The following ACER1 variants were observed in gnomAD, a reference collection of about 807,000 sequenced individuals.
ACER1 encodes the protein alkaline ceramidase 1.
In ACER1, 28 loss-of-function variants were observed where a neutral mutation model predicts 24.9. That is an observed-to-expected ratio of 1.13 (90% CI 0.83 to 1.54). The LOEUF (loss-of-function observed/expected upper bound fraction) is 1.54, where lower values mean the gene tolerates loss of function less well. ACER1 is among the 40% of genes most tolerant of loss of function. The pLI is 0.00. For missense variants in ACER1, 352 were observed against 349.3 expected (o/e 1.01, Z -0.06); for synonymous variants, 132 against 131.4 (o/e 1.00, Z -0.03).
chr19:6,326,801 A>G (rs2091663752), intron 1 of ACER1, among the ~76,000 whole-genome samples: 1 of 152,128 alleles, frequency 6.6e-6, no homozygotes, highest in South Asian at 2.1e-4. Context: ...GAATAAATGA[A>G]TGAGTCCATC....
chr19:6,359,454 G>T, the ACER1 span, among the ~76,000 whole-genome samples: 12 of 151,886 alleles, frequency 7.9e-5, no homozygotes, highest in Admixed American at 7.2e-4. Flanking sequence ...AAGTAGCTGG[G>T]ATTACAGGCA....
At chr19:6,324,652 C>T (rs1312611818) in intron 1 of ACER1, among the ~76,000 whole-genome samples, 1 of 151,436 alleles carries the variant, frequency 6.6e-6, no homozygotes, top group Non-Finnish European at 1.5e-5. Context: ...GTAATTCCAG[C>T]TACTTGGGAG....
chr19:6,323,023 A>G (rs2091638767), intron 1 of ACER1, among the ~76,000 whole-genome samples: 1 of 152,004 alleles, frequency 6.6e-6, no homozygotes, highest in Admixed American at 6.6e-5. Context: ...GAGGGAGGAG[A>G]ATAGCTTGAA....
At chr19:6,340,907 C>T in the ACER1 span, among the ~76,000 whole-genome samples, 1 of 152,048 alleles carries the variant, frequency 6.6e-6, no homozygotes, top group Non-Finnish European at 1.5e-5. Flanking sequence ...GAACAGCACA[C>T]ACTTATCATC....
chr19:6,307,187 G>A lies in ACER1; in HGVS notation c.592C>T (p.Gln198Ter), dbSNP rs2091556624. 2 of 1,613,992 alleles carry A rather than the reference G, an allele frequency of 1.2e-6. No individual in the cohort carries two copies. The highest frequency in any genetic ancestry group is 2.7e-5 in the African/African-American group (2 of 74,926). Residue 198 changes from glutamine (Q) to a stop codon, truncating the protein, a stop_gained, in exon 5 of 6, where the codon CAG becomes TAG. Transcript: ENST00000301452. LOFTEE classifies it high-confidence loss of function. ...ISDRLLCSFW[Q>*]RIHFFYLHSI... ...TGCAGATAGAAGAAATGAATCCTCT[G>A]CCAGAAGCTGCAAAGCAGACGGTCA...
chr19:6,337,653 C>CT (rs2091719721), upstream of ACER1, among the ~76,000 whole-genome samples: 1 of 65,632 alleles, frequency 1.5e-5, no homozygotes, highest in African/African-American at 6.3e-5. Flanking sequence ...TCTTTTCTTT[C>CT]TTTCTTTCTT....
the ACER1 span, among the ~76,000 whole-genome samples, chr19:6,350,295 G>A: frequency 1.3e-5 from 2 of 151,882 alleles, no homozygotes; most frequent in African/African-American, 2.4e-5. Context: ...GTGAAACCCC[G>A]TCTCAACTAA....
At chr19:6,329,223 C>T (rs557449251) in intron 1 of ACER1, among the ~76,000 whole-genome samples, 1 of 151,876 alleles carries the variant, frequency 6.6e-6, no homozygotes, top group Non-Finnish European at 1.5e-5. Flanking sequence ...CCCTTTTGAA[C>T]TGTATGATTT....
chr19:6,326,645 A>G (rs1600243238), intron 1 of ACER1, among the ~76,000 whole-genome samples: 1 of 151,416 alleles, frequency 6.6e-6, no homozygotes, highest in Admixed American at 6.6e-5. Context: ...CGTTTCTGGC[A>G]CCCCCTTCCT....
chr19:6,337,155 G>A (rs1441379230), upstream of ACER1, among the ~76,000 whole-genome samples: 1 of 147,752 alleles, frequency 6.8e-6, no homozygotes, highest in Non-Finnish European at 1.5e-5. Flanking sequence ...CAGCCTGGGC[G>A]ACAGGGTGAG....
chr19:6,317,060 G>A (rs10853993), intron 1 of ACER1, among the ~76,000 whole-genome samples: 19,187 of 140,354 alleles, frequency 0.14, 1,543 homozygotes, highest in East Asian at 0.3. Flanking sequence ...TGCAACCTCC[G>A]CATCCTGGGT....
upstream of ACER1, among the ~76,000 whole-genome samples, chr19:6,338,349 T>C (rs1199469752): frequency 6.6e-6 from 1 of 152,214 alleles, no homozygotes; most frequent in African/African-American, 2.4e-5. Flanking sequence ...ATACATGTGA[T>C]ATTATTGCAT....
the ACER1 span, among the ~76,000 whole-genome samples, chr19:6,347,348 G>A: frequency 6.7e-6 from 1 of 149,548 alleles, no homozygotes; most frequent in Non-Finnish European, 1.5e-5. Context: ...AGCCTCGTTA[G>A]TGGTGACGAC....
chr19:6,321,068 C>T (rs1200231135), intron 1 of ACER1, among the ~76,000 whole-genome samples: 1 of 151,210 alleles, frequency 6.6e-6, no homozygotes, highest in Admixed American at 6.6e-5. Flanking sequence ...TTAAACTATG[C>T]AATTCAGTGG....
intron 1 of ACER1, among the ~76,000 whole-genome samples, chr19:6,321,284 C>T (rs2091629483): frequency 6.6e-6 from 1 of 151,620 alleles, no homozygotes; most frequent in Non-Finnish European, 1.5e-5. Flanking sequence ...TACAGGAGCC[C>T]ATCACCATGC....
chr19:6,332,385 C>T (rs954588232), intron 1 of ACER1, among the ~76,000 whole-genome samples: 2 of 151,410 alleles, frequency 1.3e-5, no homozygotes, highest in African/African-American at 4.9e-5. Context: ...ATCCTCCCCC[C>T]TCAGCCTCCC....
At chr19:6,327,438 G>A (rs752387876) in intron 1 of ACER1, among the ~76,000 whole-genome samples, 4 of 151,858 alleles carry the variant, frequency 2.6e-5, no homozygotes, top group Non-Finnish European at 4.4e-5. Context: ...GGTGACGGGC[G>A]TCTGTAGTCC....
the ACER1 span, among the ~76,000 whole-genome samples, chr19:6,350,031 T>C: frequency 2.0e-5 from 3 of 152,110 alleles, no homozygotes; most frequent in African/African-American, 7.2e-5. Context: ...TTCTGGAGGC[T>C]AAGGCAGGAG....
chr19:6,311,531 G>A (rs183087803), intron 3 of ACER1, among the ~76,000 whole-genome samples: 3 of 151,844 alleles, frequency 2.0e-5, no homozygotes, highest in African/African-American at 7.3e-5. Flanking sequence ...GACAGAGCGA[G>A]ACTCTGTCTC....
Sources: allele counts gnomAD v4.1 joint callset (sites outside exome capture counted in the v4.1 genomes callset), GRCh38; gene constraint gnomAD v4.1.1; transcripts MANE v1.5; gene names NCBI Gene and HGNC (gene_info 2026-07-23, HGNC 2026-07-21).